CLEC4F: variants seen among roughly 807,000 people sequenced by gnomAD.
The protein encoded by CLEC4F is C-type (calcium dependent, carbohydrate-recognition domain) lectin, superfamily member 13.
A neutral mutation model predicts 53.4 loss-of-function variants in CLEC4F; 45 were observed. That is an observed-to-expected ratio of 0.84 (90% CI 0.66 to 1.08). The LOEUF (loss-of-function observed/expected upper bound fraction) is 1.08. Ranked by LOEUF, CLEC4F falls within the 50% of genes least tolerant of loss-of-function variation. CLEC4F has a pLI of 0.00. For synonymous variants in CLEC4F, 245 were observed against 257.5 expected, an observed-to-expected ratio of 0.95 and a Z score of 0.46; for missense variants, 753 against 698.2, an observed-to-expected ratio of 1.08 and a Z score of -0.88.
chr2:70,823,766 T>G (rs1485110541), upstream of CLEC4F, among the ~76,000 whole-genome samples: 1 of 152,108 alleles, frequency 6.6e-6, no homozygotes, highest in African/African-American at 2.4e-5. Flanking sequence ...CGGTGGCTCA[T>G]GCCTGCAATA....
intron 6 of CLEC4F, 127 bp from the exon 7 acceptor site, chr2:70,809,509 G>A: frequency 9.5e-7 from 1 of 1,055,658 alleles, no homozygotes; most frequent in Non-Finnish European, 1.4e-6. Context: ...ACACCTGTGT[G>A]TCCAAACGCA....
rs782254464 is a variant in CLEC4F, at chr2:70,816,083, G to C, written c.1298C>G (p.Ala433Gly). 6.2e-7 allele frequency: 1 copy of C among 1,614,206 alleles called. No homozygotes were observed. Among genetic ancestry groups the C allele is most frequent in the Admixed American group, 1.7e-5 (1 of 60,022 alleles). The change falls in exon 4 of 7, where the codon GCT becomes GGT. Residue 433 changes from alanine (A) to glycine (G), a missense_variant. Ala to Gly is a moderately conservative substitution (Grantham distance 60). Transcript: ENST00000272367. ...RLRGDLENTK[A>G]LTMEIQQEQS... ...CTCCTGCTGGATTTCCATGGTTAGA[G>C]CTTTGGTGTTCTCTAGATCCCCTCT...
At position 70,819,562 on chromosome 2, in the gene CLEC4F, G is replaced by C. The variant is rs1462722711; in HGVS notation, c.179-118C>G. 6.8e-6 allele frequency: 7 copies of C among 1,023,318 alleles called. No homozygotes were observed. The East Asian group carries it at 1.7e-4, about 25-fold the overall frequency. The allele number at this position is 1,023,318 out of a possible 1,614,324, so 63.4% of individuals were successfully genotyped here. On this transcript the variant is annotated intron_variant, in intron 2 of 6. Coordinates refer to ENST00000272367, the MANE Select transcript of CLEC4F (RefSeq NM_173535.3). ...GGAGATAGCAGCAAAGACCCTCCCA[G>C]GGTTTCCCTCATGAACCTCAGTTCT...
chr2:70,819,701 G>T, intron 2 of CLEC4F, 74 bp downstream of exon 2: 1 of 1,050,750 alleles, frequency 9.5e-7, no homozygotes, highest in Non-Finnish European at 1.4e-6. Flanking sequence ...CAGAGAGTGT[G>T]CATCTGGGGC....
chr2:70,816,748 C>G lies in CLEC4F; in HGVS notation c.633G>C (p.Glu211Asp). ...CTAAGCCTCTGCTTAGCACGTGGAG[C>G]TCAATGCTGGTGTTTTCTAAACTGC... Reference protein sequence around the residue: ...LKSSLENTSIELHVLSRGLEN... With the variant: ...LKSSLENTSIDLHVLSRGLEN... The change falls in exon 4 of 7, where the codon GAG becomes GAC. Residue 211 changes from glutamate to aspartate, a missense_variant. Transcript: ENST00000272367. 1 of 1,614,180 alleles carries G rather than the reference C, an allele frequency of 6.2e-7. No individual in the cohort carries two copies. The highest frequency in any genetic ancestry group is 8.5e-7 in the Non-Finnish European group (1 of 1,180,036).
At chr2:70,815,965 C>G in intron 4 of CLEC4F, 29 bp downstream of exon 4, 1 of 1,595,288 alleles carries the variant, frequency 6.3e-7, no homozygotes. Context: ...CTGTGCCCTC[C>G]CCAAACGCGA....
chr2:70,824,799 C>G (rs899606388), upstream of CLEC4F, among the ~76,000 whole-genome samples: 4 of 152,122 alleles, frequency 2.6e-5, no homozygotes, highest in African/African-American at 9.7e-5. Flanking sequence ...TGAGTCCATA[C>G]TGACATAAAT....
Position 70,816,317 on chromosome 2 carries a change from G to C in CLEC4F, c.1064C>G (p.Thr355Arg). Residue 355 changes from threonine to arginine, a missense_variant, in exon 4 of 7, where the codon ACA (threonine) becomes AGA (arginine). Thr to Arg is a moderately conservative substitution (Grantham distance 71). Transcript: ENST00000272367. Reference protein sequence around the residue: ...TQKANGRLDQTDTQIQVFKSE... With the variant: ...TQKANGRLDQRDTQIQVFKSE... ...CTTGAATACCTGAATCTGAGTATCT[G>C]TCTGGTCCAGACGGCCATTTGCTTT... 1 of 1,614,164 alleles carries C rather than the reference G, an allele frequency of 6.2e-7. No homozygotes were observed. The highest frequency in any genetic ancestry group is 1.1e-5 in the South Asian group (1 of 91,078).
At chr2:70,812,777 T>A (rs1335469912) in intron 4 of CLEC4F, among the ~76,000 whole-genome samples, 179 bp from the exon 5 acceptor site, 1 of 152,100 alleles carries the variant, frequency 6.6e-6, no homozygotes, top group African/African-American at 2.4e-5. Context: ...TACCCAGCAC[T>A]CCAGGAAGCA....
intron 3 of CLEC4F, 24 bp downstream of exon 3, chr2:70,819,331 C>T: frequency 6.3e-7 from 1 of 1,597,848 alleles, no homozygotes; most frequent in Non-Finnish European, 8.6e-7. Flanking sequence ...CCCTCTGCAC[C>T]CCACCCCCAC....
chr2:70,808,750 A>G lies in CLEC4F; in HGVS notation c.*521T>C, dbSNP rs1198947987. 6.2e-6 allele frequency: 2 copies of G among 322,138 alleles called. No individual in the cohort carries two copies. The highest frequency in any genetic ancestry group is 4.3e-5 in the African/African-American group (2 of 47,006). 20.0% of individuals were successfully genotyped at this position (322,138 alleles called of 1,614,324 possible). ...AGGCTCTTCCCTTGAGAAGCCACTG[A>G]TGTCACTGGGTCACTCGAGGTAAGC... is the stretch of plus-strand genomic sequence containing the variant. On this transcript the variant is annotated 3_prime_UTR_variant, in exon 7 of 7. Coordinates refer to ENST00000272367, the MANE Select transcript of CLEC4F (RefSeq NM_173535.3).
At chr2:70,817,241 A>G (rs1676975810) in intron 3 of CLEC4F, 129 bp from the exon 4 acceptor site, 6 of 977,354 alleles carry the variant, frequency 6.1e-6, no homozygotes, top group Admixed American at 2.9e-5. Context: ...TGCTCCCCCA[A>G]GCACCCTCCT....
intron 5 of CLEC4F, 82 bp downstream of exon 5, chr2:70,812,365 C>A: frequency 6.6e-7 from 1 of 1,510,344 alleles, no homozygotes; most frequent in Admixed American, 1.9e-5. Flanking sequence ...GTCATACCCA[C>A]TGAGAGCAGG....
rs782257640 is a variant in CLEC4F, at chr2:70,819,341, C to A, written c.268+14G>T. On this transcript the variant is annotated intron_variant, in intron 3 of 6. Transcript: ENST00000272367. ...CAGTTCCCTCTGCACCCCACCCCCACTGTGGCTACTCACTGTTGGGTTCAA... is the reference window on the plus strand; with the variant it reads ...CAGTTCCCTCTGCACCCCACCCCCAATGTGGCTACTCACTGTTGGGTTCAA... 6.2e-7 allele frequency: 1 copy of A among 1,610,656 alleles called. No individual in the cohort carries two copies. The highest frequency in any genetic ancestry group is 8.5e-7 in the Non-Finnish European group (1 of 1,176,978).
Position 70,816,255 on chromosome 2 carries a change from T to G in CLEC4F, c.1126A>C (p.Ile376Leu). 1 of 1,614,232 alleles carries G rather than the reference T, an allele frequency of 6.2e-7. No individual in the cohort carries two copies. The highest frequency in any genetic ancestry group is 8.5e-7 in the Non-Finnish European group (1 of 1,180,030). Residue 376 changes from isoleucine to leucine, a missense_variant, in exon 4 of 7, where the codon ATT becomes CTT. By Grantham distance (5) the Ile-to-Leu change is conservative (BLOSUM62 2). Coordinates refer to ENST00000272367, the MANE Select transcript of CLEC4F (RefSeq NM_173535.3). ...TTCATATGACCATTTAAGACCTGAA[T>G]CTGGGCATTTAAGGTATTCACATTT... ...MENVNTLNAQIQVLNGHMKNA... is the reference protein window; with the variant it reads ...MENVNTLNAQLQVLNGHMKNA...
chr2:70,820,441 GCTGGGGC>G lies in CLEC4F; in HGVS notation c.61+15_61+21del. The G allele has an allele frequency of 6.4e-7, 1 of 1,568,430 alleles. No individual in the cohort carries two copies. Among genetic ancestry groups the G allele is most frequent in the Non-Finnish European group, 8.7e-7 (1 of 1,154,710 alleles). On this transcript the variant is annotated intron_variant, in intron 1 of 6. Coordinates refer to ENST00000272367, the MANE Select transcript of CLEC4F (RefSeq NM_173535.3). ...CAGGCTACTCCCTCACTGGGCAAGA[GCTGGGGC>G]CCCAGTTTTCTCACCTTGGGGGTGC...
Position 70,812,561 on chromosome 2 carries a change from G to C in CLEC4F, c.1425C>G (p.Phe475Leu). The C allele has an allele frequency of 6.2e-7, 1 of 1,614,186 alleles. No homozygotes were observed. Among genetic ancestry groups the C allele is most frequent in the East Asian group, 2.2e-5 (1 of 44,888 alleles). Reference sequence around the variant, plus strand: ...AAAAATAATATAAGCTTCCACCATTGAACTTCCAGCCTTGCAGGACCATCT... The same window carrying C: ...AAAAATAATATAAGCTTCCACCATTCAACTTCCAGCCTTGCAGGACCATCT... Reference protein sequence around the residue: ...LLQMVLQGWKFNGGSLYYFSS... With the variant: ...LLQMVLQGWKLNGGSLYYFSS... Residue 475 changes from phenylalanine (F) to leucine (L), a missense_variant, in exon 5 of 7, where the codon TTC (phenylalanine) becomes TTG (leucine). Transcript: ENST00000272367.
chr2:70,823,426 G>A (rs564387284), upstream of CLEC4F, among the ~76,000 whole-genome samples: 4 of 152,276 alleles, frequency 2.6e-5, no homozygotes, highest in African/African-American at 9.6e-5. Flanking sequence ...GCTTGTCTTG[G>A]TTTCTGTTTC....
At position 70,813,547 on chromosome 2, in the gene CLEC4F, CTTTCTTTT is replaced by C. The variant is rs1558612312; in HGVS notation, c.1388-957_1388-950del. On this transcript the variant is annotated intron_variant, in intron 4 of 6. Transcript: ENST00000272367. ...TCTTTCTTTCTTTCTTTTTTTCTTT[CTTTCTTTT>C]TTTCTTTCTTTCTCTTTCTTTTTCT... is the stretch of plus-strand genomic sequence containing the variant. Among the ~76,000 whole-genome samples, 427 of 146,924 alleles carry C rather than the reference CTTTCTTTT, an allele frequency of 2.9e-3. 7 individuals are homozygous for C. The highest frequency in any genetic ancestry group is 0.01 in the African/African-American group (407 of 39,308).
Sources: gnomAD v4.1 joint callset for allele counts (sites outside exome capture counted in the v4.1 genomes callset) on GRCh38, gnomAD v4.1.1 for gene constraint, MANE v1.5 for transcripts, NCBI Gene and HGNC (gene_info 2026-07-23, HGNC 2026-07-21) for gene names.